The following NSD2 variants were observed in gnomAD, a reference collection of about 807,000 sequenced individuals.
NSD2 encodes nuclear receptor binding SET domain protein 2, also known as histone-lysine N-methyltransferase NSD2.
A neutral mutation model predicts 139.0 loss-of-function variants in NSD2; 12 were observed. The observed-to-expected ratio is 0.09, with a 90% confidence interval of 0.06 to 0.14. The LOEUF (loss-of-function observed/expected upper bound fraction) is 0.14. Ranked by LOEUF, NSD2 falls within the 10% of genes least tolerant of loss-of-function variation. NSD2 has a pLI of 1.00. For synonymous variants in NSD2, 669 were observed against 648.7 expected (o/e 1.03, Z -0.48); for missense variants, 1,155 against 1,745.0 (o/e 0.66, Z 6.02).
intron 1 of NSD2, among the ~76,000 whole-genome samples, chr4:1,896,516 G>T (rs1191069491): frequency 2.0e-5 from 3 of 152,206 alleles, no homozygotes; most frequent in Non-Finnish European, 4.4e-5. Context: ...CTGTAGATGT[G>T]CGCCAGTGTG....
chr4:1,939,996 GTGTC>G, intron 9 of NSD2: 1 of 1,413,028 alleles, frequency 7.1e-7, no homozygotes, highest in East Asian at 2.6e-5. Flanking sequence ...CACGCACACA[GTGTC>G]TGTGTACATG....
At chr4:1,874,299 A>G (rs966627897) in intron 1 of NSD2, among the ~76,000 whole-genome samples, 2 of 152,154 alleles carry the variant, frequency 1.3e-5, no homozygotes, top group African/African-American at 4.8e-5. Context: ...ACGTGGTACC[A>G]TGTCCTGACT....
chr4:1,940,592 G>A (rs1202493584), intron 9 of NSD2: 1 of 1,063,504 alleles, frequency 9.4e-7, no homozygotes, highest in African/African-American at 1.6e-5. Context: ...TTGTTATTTG[G>A]TTCTCCGTGA....
chr4:1,977,669 G>A (rs551734622), intron 21 of NSD2, among the ~76,000 whole-genome samples: 7 of 152,044 alleles, frequency 4.6e-5, no homozygotes, highest in East Asian at 3.9e-4. Flanking sequence ...CCAGCTATTC[G>A]GGAGGCTGAG....
intron 1 of NSD2, chr4:1,892,205 C>T (rs1358959991): frequency 6.6e-6 from 1 of 152,226 alleles, no homozygotes. Flanking sequence ...AGTCTGGTCT[C>T]CAACTCCTGG....
At chr4:1,903,002 C>T (rs550111700) in intron 2 of NSD2, among the ~76,000 whole-genome samples, 7 of 151,998 alleles carry the variant, frequency 4.6e-5, no homozygotes, top group Non-Finnish European at 7.4e-5. Flanking sequence ...TAGCGAGACC[C>T]GGTCTCTATA....
chr4:1,971,558 A>G (rs906583572), intron 18 of NSD2, among the ~76,000 whole-genome samples: 1 of 152,098 alleles, frequency 6.6e-6, no homozygotes, highest in Non-Finnish European at 1.5e-5. Flanking sequence ...AAATAAATAA[A>G]TCTCTTCTTA....
chr4:1,878,271 T>A (rs1346720318), intron 1 of NSD2, among the ~76,000 whole-genome samples: 6 of 120,376 alleles, frequency 5.0e-5, no homozygotes, highest in African/African-American at 1.6e-4. Context: ...TTTTTTTTTT[T>A]TTTTTTTTTT....
intron 1 of NSD2, among the ~76,000 whole-genome samples, chr4:1,872,591 T>TGTGTGAGAGAGA (rs1281608141): frequency 2.0e-3 from 88 of 44,850 alleles, no homozygotes; most frequent in Admixed American, 4.2e-3. Context: ...TGTGTGTGTG[T>TGTGTGAGAGAGA]GAGAGAGAGA....
Position 1,956,214 on chromosome 4 carries a change from G to A in NSD2, c.2881+26G>A. ...GTACGGAGATATTCAGATAGAGAGTGAGACAGCACTCTCGTGCATTTTCTT... is the reference window on the plus strand; with the variant it reads ...GTACGGAGATATTCAGATAGAGAGTAAGACAGCACTCTCGTGCATTTTCTT... On this transcript the variant is annotated intron_variant, in intron 15 of 21. Transcript: ENST00000508803. This position sits in a 1 kb window ranked among gnomAD's most constrained non-coding sequence, Gnocchi z 5.3. 6.5e-7 allele frequency: 1 copy of A among 1,548,596 alleles called. No individual in the cohort carries two copies. The highest frequency in any genetic ancestry group is 1.7e-4 in the Middle Eastern group (1 of 5,776).
chr4:1,903,952 T>C (rs1432520003), intron 2 of NSD2, among the ~76,000 whole-genome samples: 1 of 152,160 alleles, frequency 6.6e-6, no homozygotes. Context: ...GCCAGGATGG[T>C]CTTGATCTCC....
intron 9 of NSD2, chr4:1,946,084 TATAA>T (rs1723597440): frequency 1.6e-5 from 17 of 1,030,966 alleles, no homozygotes; most frequent in African/African-American, 3.4e-5. Flanking sequence ...AAAAAAAATC[TATAA>T]ATAGGGTAAT....
chr4:1,928,325 G>A (rs1721204378), intron 5 of NSD2, among the ~76,000 whole-genome samples: 2 of 152,126 alleles, frequency 1.3e-5, no homozygotes, highest in African/African-American at 4.8e-5. Context: ...ACCTTATAAG[G>A]TAAATATAAA....
intron 3 of NSD2, among the ~76,000 whole-genome samples, chr4:1,911,494 A>G (rs1718652393): frequency 6.7e-6 from 1 of 149,700 alleles, no homozygotes; most frequent in Non-Finnish European, 1.5e-5. Context: ...AGGCTGAGGC[A>G]TGAGAATCGC....
At chr4:1,878,512 C>T (rs1714469353) in intron 1 of NSD2, among the ~76,000 whole-genome samples, 1 of 151,972 alleles carries the variant, frequency 6.6e-6, no homozygotes, top group Non-Finnish European at 1.5e-5. Flanking sequence ...TTCCTGGCTG[C>T]ATTGGGTCAT....
At chr4:1,953,296 C>G (rs1724473578) in intron 11 of NSD2, 28 bp from the exon 12 acceptor site, 1 of 1,614,102 alleles carries the variant, frequency 6.2e-7, no homozygotes, top group Non-Finnish European at 8.5e-7. Context: ...GCACCTCTCT[C>G]TCCACCCCTT....
At chr4:1,937,645 C>T (rs1199866026) in intron 7 of NSD2, among the ~76,000 whole-genome samples, 2 of 152,082 alleles carry the variant, frequency 1.3e-5, no homozygotes, top group African/African-American at 2.4e-5. Flanking sequence ...AGGCACTGTC[C>T]CAAGTGCATT....
intron 1 of NSD2, among the ~76,000 whole-genome samples, chr4:1,882,530 G>C (rs1006965009): frequency 1.6e-4 from 24 of 152,152 alleles, no homozygotes; most frequent in Non-Finnish European, 2.8e-4. Flanking sequence ...TGGGCGTGGT[G>C]GCGGGCGCCT....
At chr4:1,933,562 TTTTTTGTA>T (rs1721940340) in intron 6 of NSD2, among the ~76,000 whole-genome samples, 1 of 151,890 alleles carries the variant, frequency 6.6e-6, no homozygotes. Flanking sequence ...GCTAATTTTT[TTTTTTGTA>T]TTTTTAGTAG....
Sources: allele counts gnomAD v4.1 joint callset (sites outside exome capture counted in the v4.1 genomes callset), GRCh38; gene constraint gnomAD v4.1.1; non-coding constraint Gnocchi (gnomAD v3.1); transcripts MANE v1.5; gene names NCBI Gene and HGNC (gene_info 2026-07-23, HGNC 2026-07-21).